The following NLK variants were observed in gnomAD, a reference collection of about 807,000 sequenced individuals.
NLK encodes serine/threonine-protein kinase NLK.
In NLK, 11 loss-of-function variants were observed where a neutral mutation model predicts 59.0. That is an observed-to-expected ratio of 0.19 (90% confidence interval 0.12 to 0.31). NLK has a LOEUF of 0.31. NLK is among the 10% of genes least tolerant of loss of function. NLK has a pLI of 1.00. For missense variants in NLK, 410 were observed against 661.1 expected, an observed-to-expected ratio of 0.62 and a Z score of 4.16; for synonymous variants, 235 against 235.9, an observed-to-expected ratio of 1.00 and a Z score of 0.03.
At chr17:28,171,014 C>T (rs1186633633) in intron 6 of NLK, among the ~76,000 whole-genome samples, 1 of 152,062 alleles carries the variant, frequency 6.6e-6, no homozygotes, top group Non-Finnish European at 1.5e-5. Context: ...ATTTAATTAC[C>T]CTGGTACTAG....
intron 10 of NLK, among the ~76,000 whole-genome samples, chr17:28,192,668 CA>C (rs35393985): frequency 2.7e-4 from 39 of 141,822 alleles, no homozygotes; most frequent in Admixed American, 3.5e-4. Context: ...AACTCCATCT[CA>C]AAAAAAAAAA....
intron 7 of NLK, among the ~76,000 whole-genome samples, chr17:28,183,355 A>C (rs532044851): frequency 6.6e-6 from 1 of 152,050 alleles, no homozygotes; most frequent in Admixed American, 6.6e-5. Context: ...TGTTTTTAGA[A>C]TCTCACTCTG....
chr17:28,180,680 AG>A, intron 7 of NLK, among the ~76,000 whole-genome samples: 1 of 152,328 alleles, frequency 6.6e-6, no homozygotes, highest in Middle Eastern at 3.4e-3. Flanking sequence ...TGAGAGTGGA[AG>A]GGAAAGAACT....
chr17:28,158,219 AC>A (rs1329192802), intron 3 of NLK, among the ~76,000 whole-genome samples: 3 of 152,236 alleles, frequency 2.0e-5, no homozygotes, highest in African/African-American at 4.8e-5. Flanking sequence ...ACAACATGTT[AC>A]CGTACTGAAT....
At chr17:28,079,487 C>T (rs1910271536) in intron 1 of NLK, among the ~76,000 whole-genome samples, 1 of 152,192 alleles carries the variant, frequency 6.6e-6, no homozygotes, top group Non-Finnish European at 1.5e-5. Flanking sequence ...CAGCAGTATA[C>T]ATGGGTTCCA....
intron 1 of NLK, chr17:28,048,913 T>C (rs1909153904): frequency 6.6e-6 from 1 of 152,260 alleles, no homozygotes; most frequent in South Asian, 2.1e-4. Context: ...CAGAAGCTGT[T>C]AGAAGCTCTT....
intron 1 of NLK, among the ~76,000 whole-genome samples, chr17:28,109,401 A>G (rs1481535672): frequency 6.6e-6 from 1 of 152,224 alleles, no homozygotes; most frequent in African/African-American, 2.4e-5. Flanking sequence ...TTTATATACC[A>G]TCAAATTTAC....
chr17:28,091,458 A>G (rs1904490013), intron 1 of NLK, among the ~76,000 whole-genome samples: 1 of 150,958 alleles, frequency 6.6e-6, no homozygotes, highest in Non-Finnish European at 1.5e-5. Flanking sequence ...ACACATGTCT[A>G]AAATATATAA....
chr17:28,092,814 TATTG>T (rs1904552012), intron 1 of NLK, among the ~76,000 whole-genome samples: 1 of 151,236 alleles, frequency 6.6e-6, no homozygotes, highest in African/African-American at 2.4e-5. Flanking sequence ...TTTATTTATT[TATTG>T]AGACAGAGTC....
intron 1 of NLK, among the ~76,000 whole-genome samples, chr17:28,083,964 C>G (rs1304361282): frequency 6.6e-6 from 1 of 152,132 alleles, no homozygotes; most frequent in East Asian, 1.9e-4. Flanking sequence ...ATGAGAACTG[C>G]TTGTGCCTAC....
At chr17:28,093,457 A>G (rs1228881835) in intron 1 of NLK, among the ~76,000 whole-genome samples, 1 of 152,126 alleles carries the variant, frequency 6.6e-6, no homozygotes, top group Non-Finnish European at 1.5e-5. Context: ...AGGCATTCCA[A>G]GAGGAGTAAT....
At chr17:28,072,080 A>G (rs1283208881) in intron 1 of NLK, among the ~76,000 whole-genome samples, 1 of 152,126 alleles carries the variant, frequency 6.6e-6, no homozygotes, top group Non-Finnish European at 1.5e-5. Context: ...TTGTTATGCA[A>G]AGTGTCATAT....
At chr17:28,174,254 A>C (rs1908586599) in intron 7 of NLK, among the ~76,000 whole-genome samples, 1 of 152,266 alleles carries the variant, frequency 6.6e-6, no homozygotes, top group African/African-American at 2.4e-5. Flanking sequence ...AGAGGAAAGG[A>C]AAATCCAAAG....
intron 4 of NLK, 32 bp downstream of exon 4, chr17:28,161,298 T>A (rs772128236): frequency 8.7e-7 from 1 of 1,152,692 alleles, no homozygotes; most frequent in East Asian, 2.3e-5. Context: ...AAAGGTGCTG[T>A]CACACTGTAA....
chr17:28,203,017 TC>T, the NLK span, among the ~76,000 whole-genome samples: 1 of 152,030 alleles, frequency 6.6e-6, no homozygotes, highest in Non-Finnish European at 1.5e-5. Flanking sequence ...ACTGCAGACT[TC>T]CTATGATTGT....
chr17:28,178,857 G>A (rs1908785707), intron 7 of NLK, among the ~76,000 whole-genome samples: 1 of 152,148 alleles, frequency 6.6e-6, no homozygotes, highest in Non-Finnish European at 1.5e-5. Context: ...TGCCAGCTAA[G>A]GTCTAAAACT....
intron 3 of NLK, among the ~76,000 whole-genome samples, chr17:28,151,888 C>T (rs1907495598): frequency 6.6e-6 from 1 of 152,102 alleles, no homozygotes; most frequent in Admixed American, 6.6e-5. Flanking sequence ...GGAATGCCTG[C>T]TAGTTTATAT....
At chr17:28,187,482 A>G (rs548114757) in intron 8 of NLK, among the ~76,000 whole-genome samples, 3 of 152,194 alleles carry the variant, frequency 2.0e-5, no homozygotes, top group East Asian at 1.9e-4. Flanking sequence ...TTATATTTTT[A>G]GTAGAGATGG....
At chr17:28,194,403 C>A (rs1034072119) in intron 10 of NLK, among the ~76,000 whole-genome samples, 179 bp from the exon 11 acceptor site, 1 of 152,150 alleles carries the variant, frequency 6.6e-6, no homozygotes, top group Non-Finnish European at 1.5e-5. Flanking sequence ...GATTGCCTCT[C>A]CATAGATAAC....
Sources: gnomAD v4.1 joint callset for allele counts (sites outside exome capture counted in the v4.1 genomes callset) on GRCh38, gnomAD v4.1.1 for gene constraint, MANE v1.5 for transcripts, NCBI Gene and HGNC (gene_info 2026-07-23, HGNC 2026-07-21) for gene names.